CEP63: variants seen among roughly 807,000 people sequenced by gnomAD.
The protein encoded by CEP63 is centrosomal protein of 63 kDa.
Under a neutral mutation model 89.1 loss-of-function variants are expected in CEP63, and 84 were observed. That is an observed-to-expected ratio of 0.94 (90% CI 0.79 to 1.13). The LOEUF (loss-of-function observed/expected upper bound fraction) is 1.13, where lower values mean the gene tolerates loss of function less well. CEP63 is among the 50% of genes most tolerant of loss of function. CEP63 has a pLI of 0.00. For synonymous variants in CEP63, 267 were observed against 272.5 expected (o/e 0.98, Z 0.20); for missense variants, 838 against 813.3 (o/e 1.03, Z -0.37).
the CEP63 span, among the ~76,000 whole-genome samples, chr3:134,768,810 G>C: frequency 1.3e-5 from 2 of 152,246 alleles, no homozygotes; most frequent in Admixed American, 1.3e-4. Flanking sequence ...TCATTGGGCT[G>C]TAAGATAGGG....
At chr3:134,651,173 C>A in the CEP63 span, 5 of 1,406,486 alleles carry the variant, frequency 3.6e-6, no homozygotes, top group South Asian at 4.3e-5. Flanking sequence ...CCTAATGAAG[C>A]GGCTCTAAGT....
At chr3:134,486,439 A>G (rs1559838247) in intron 1 of CEP63, 3 of 985,550 alleles carry the variant, frequency 3.0e-6, no homozygotes, top group Non-Finnish European at 3.6e-6. Context: ...CTGGCCCGCT[A>G]TGCCCTGCAC....
the CEP63 span, chr3:134,603,170 C>T: frequency 6.3e-6 from 1 of 159,386 alleles, no homozygotes; most frequent in African/African-American, 2.4e-5. Flanking sequence ...CAAATCATGT[C>T]CCCTTGGGCA....
chr3:134,540,924 G>C (rs1172857359), intron 6 of CEP63, among the ~76,000 whole-genome samples: 1 of 152,014 alleles, frequency 6.6e-6, no homozygotes, highest in Admixed American at 6.5e-5. Flanking sequence ...TGGGATTACA[G>C]GTGCTCACCA....
chr3:134,519,004 C>A (rs1167045846), intron 3 of CEP63, among the ~76,000 whole-genome samples: 1 of 151,986 alleles, frequency 6.6e-6, no homozygotes, highest in East Asian at 1.9e-4. Context: ...TAAAAAGATA[C>A]TATGAATGAC....
chr3:134,524,156 T>G (rs1948136767), intron 3 of CEP63, among the ~76,000 whole-genome samples: 1 of 152,208 alleles, frequency 6.6e-6, no homozygotes, highest in African/African-American at 2.4e-5. Context: ...CATTTGTGAA[T>G]GGGATTGCAT....
chr3:134,739,584 C>T, the CEP63 span, among the ~76,000 whole-genome samples: 2 of 152,114 alleles, frequency 1.3e-5, no homozygotes, highest in African/African-American at 4.8e-5. Context: ...ACTAGTTACA[C>T]ACATCAACAG....
chr3:134,530,286 G>T (rs553218866), intron 3 of CEP63, among the ~76,000 whole-genome samples: 2 of 152,114 alleles, frequency 1.3e-5, no homozygotes, highest in Non-Finnish European at 2.9e-5. Context: ...TAACTTACCC[G>T]CACAAGTTTC....
the CEP63 span, among the ~76,000 whole-genome samples, chr3:134,767,078 C>G: frequency 4.6e-5 from 7 of 152,278 alleles, no homozygotes; most frequent in Non-Finnish European, 7.4e-5. Flanking sequence ...GGTCTGCACT[C>G]CAGCCCTCCT....
chr3:134,707,271 A>G, the CEP63 span, among the ~76,000 whole-genome samples: 3 of 152,190 alleles, frequency 2.0e-5, no homozygotes, highest in Non-Finnish European at 4.4e-5. Context: ...GTTAAGTGCA[A>G]TGGTTGAGAG....
At chr3:134,596,922 G>A in the CEP63 span, among the ~76,000 whole-genome samples, 1 of 152,164 alleles carries the variant, frequency 6.6e-6, no homozygotes, top group African/African-American at 2.4e-5. Context: ...GTGGTGGGCT[G>A]GCCTGATCCA....
intron 11 of CEP63, among the ~76,000 whole-genome samples, 156 bp from the exon 12 acceptor site, chr3:134,551,770 C>A (rs1560023264): frequency 5.6e-5 from 8 of 143,782 alleles, no homozygotes; most frequent in East Asian, 2.0e-4. Context: ...CACACACGTA[C>A]ATATATATAT....
chr3:134,487,826 C>T (rs1936164355), intron 1 of CEP63, among the ~76,000 whole-genome samples: 1 of 152,226 alleles, frequency 6.6e-6, no homozygotes, highest in Non-Finnish European at 1.5e-5. Flanking sequence ...CTTGTTTGAA[C>T]CAAAATCCCA....
chr3:134,629,591 C>G, the CEP63 span: 1 of 1,558,112 alleles, frequency 6.4e-7, no homozygotes, highest in South Asian at 1.2e-5. Flanking sequence ...TCTGCCAGCC[C>G]TCCACCATGA....
At chr3:134,651,156 G>A in the CEP63 span, 4 of 1,444,910 alleles carry the variant, frequency 2.8e-6, no homozygotes, top group Non-Finnish European at 3.6e-6. Flanking sequence ...GCCTGGGAGG[G>A]CGCTACCCTA....
chr3:134,636,531 GAGCACAGCAT>G, the CEP63 span, among the ~76,000 whole-genome samples: 6 of 152,216 alleles, frequency 3.9e-5, no homozygotes, highest in Non-Finnish European at 7.3e-5. Context: ...AGCCCACATG[GAGCACAGCAT>G]AGCCTCTCAG....
At chr3:134,602,221 A>C in the CEP63 span, among the ~76,000 whole-genome samples, 1 of 152,136 alleles carries the variant, frequency 6.6e-6, no homozygotes, top group Admixed American at 6.5e-5. Context: ...ATGGTTCTGC[A>C]GTGGCCATGT....
chr3:134,588,907 C>G (rs933950841), downstream of CEP63, among the ~76,000 whole-genome samples: 1 of 152,096 alleles, frequency 6.6e-6, no homozygotes, highest in Non-Finnish European at 1.5e-5. Flanking sequence ...ATCTTACAGA[C>G]AGTAACAAAA....
At chr3:134,776,255 T>C in the CEP63 span, among the ~76,000 whole-genome samples, 114 of 152,270 alleles carry the variant, frequency 7.5e-4, 1 homozygote, top group African/African-American at 2.6e-3. Context: ...TTCTGCTCAA[T>C]AGAAATATAA....
Sources: allele counts gnomAD v4.1 joint callset (sites outside exome capture counted in the v4.1 genomes callset), GRCh38; gene constraint gnomAD v4.1.1; transcripts MANE v1.5; gene names NCBI Gene and HGNC (gene_info 2026-07-23, HGNC 2026-07-21).